The following CHGB variants were observed in gnomAD, a reference collection of about 807,000 sequenced individuals.
The protein encoded by CHGB is chromogranin B, also known as secretogranin-1.
In CHGB, 46 loss-of-function variants were observed where a neutral mutation model predicts 69.9. The observed-to-expected ratio is 0.66, with a 90% CI of 0.52 to 0.84. CHGB has a LOEUF of 0.84. CHGB is among the 40% of genes least tolerant of loss of function. The probability of loss-of-function intolerance (pLI) is 0.00; values close to 1 mark genes in which losing one functional copy is unlikely to be tolerated. For missense variants in CHGB, 796 were observed against 822.2 expected, an observed-to-expected ratio of 0.97 and a Z score of 0.39; for synonymous variants, 312 against 298.2, an observed-to-expected ratio of 1.05 and a Z score of -0.48.
rs766601331 is a variant in CHGB, at chr20:5,923,991, A to G, written c.1847A>G (p.Lys616Arg). Reference protein sequence around the residue: ...QLDQLLHYRKKSAEFPDFYDS... With the variant: ...QLDQLLHYRKRSAEFPDFYDS... ...GACCAGCTCCTTCACTACAGGAAGA[A>G]GTCAGCTGAGTTTCCAGACTTCTAT... Residue 616 changes from lysine to arginine, a missense_variant, in exon 4 of 5, where the codon AAG (lysine) becomes AGG (arginine). This residue lies in a region of CHGB where 274 missense variants were observed against 298.9 expected (regional missense o/e 0.92). Transcript: ENST00000378961. The G allele has an allele frequency of 1.8e-5, 29 of 1,613,994 alleles. No homozygotes were observed. Among genetic ancestry groups the G allele is most frequent in the Admixed American group, 6.7e-5 (4 of 60,004 alleles).
chr20:5,919,070 G>A (rs1248492982), intron 3 of CHGB, among the ~76,000 whole-genome samples: 2 of 152,098 alleles, frequency 1.3e-5, no homozygotes, highest in Non-Finnish European at 2.9e-5. Flanking sequence ...TGCTCCTTTT[G>A]GCAAACCCAT....
chr20:5,923,690 A>G lies in CHGB; in HGVS notation c.1546A>G (p.Lys516Glu), dbSNP rs949033828. The G allele has an allele frequency of 2.5e-6, 4 of 1,613,986 alleles. No individual in the cohort carries two copies. The African/African-American group carries it at 5.3e-5, about 22-fold the overall frequency. The change falls in exon 4 of 5, where the codon AAG (lysine) becomes GAG (glutamate). Residue 516 changes from lysine (K) to glutamate (E), a missense_variant. Around this residue, in one of 3 missense-constraint regions of CHGB, gnomAD observed 274 missense variants for 298.9 expected, o/e 0.92. Coordinates refer to ENST00000378961, the MANE Select transcript of CHGB (RefSeq NM_001819.3). The part of the protein sequence containing the change: ...YSSHHTAEKR[K>E]RLGELFNPYY... Reference sequence around the variant, plus strand: ...CTCCCATCACACAGCTGAAAAGAGGAAGAGATTAGGGGAACTGTTCAACCC... The same window carrying G: ...CTCCCATCACACAGCTGAAAAGAGGGAGAGATTAGGGGAACTGTTCAACCC...
intron 1 of CHGB, chr20:5,915,503 T>A (rs1023211226): frequency 2.0e-5 from 3 of 152,210 alleles, no homozygotes; most frequent in Admixed American, 6.5e-5. Context: ...TTGATACGGA[T>A]GCATAAACGA....
At chr20:5,916,483 G>A (rs986718270) in intron 2 of CHGB, 111 bp downstream of exon 2, 1 of 955,158 alleles carries the variant, frequency 1.0e-6, no homozygotes, top group Non-Finnish European at 1.6e-6. Context: ...ACAAAGCCAG[G>A]TTTTCATTGC....
chr20:5,924,830 C>G, intron 4 of CHGB, 142 bp from the exon 5 acceptor site: 1 of 551,382 alleles, frequency 1.8e-6, no homozygotes, highest in East Asian at 3.2e-5. Flanking sequence ...GTCAGGGGAC[C>G]ACACTTTGAG....
chr20:5,913,628 CTT>C (rs918275521), intron 1 of CHGB, among the ~76,000 whole-genome samples: 105 of 90,438 alleles, frequency 1.2e-3, no homozygotes, highest in African/African-American at 2.7e-3. Context: ...CTTTTCTTTT[CTT>C]TTTTTTTTTT....
chr20:5,912,945 T>C lies in CHGB; in HGVS notation c.49+1263T>C, dbSNP rs540273058. The stretch of plus-strand genomic sequence containing the variant: ...TCAGAATTTGCTAAAATTCTTGTCA[T>C]TCTCACAAATTGTCAATAAATGTTC... On this transcript the variant is annotated intron_variant, in intron 1 of 4. Coordinates refer to ENST00000378961, the MANE Select transcript of CHGB (RefSeq NM_001819.3). Among the ~76,000 whole-genome samples, 5 of 152,346 alleles carry C rather than the reference T, an allele frequency of 3.3e-5. No homozygotes were observed. In the East Asian group the frequency reaches 7.7e-4, roughly 23 times the overall value.
Position 5,918,669 on chromosome 20 carries a change from G to A in CHGB, c.190+1750G>A, listed in dbSNP as rs552604257. On this transcript the variant is annotated intron_variant, in intron 3 of 4. Coordinates refer to ENST00000378961, the MANE Select transcript of CHGB (RefSeq NM_001819.3). ...CTACTAAAAATACAAAAAATTAGCC[G>A]GGCGTGGTGACACACGCCTGTAGTC... Among the ~76,000 whole-genome samples the A allele has an allele frequency of 9.4e-4, 142 of 151,536 alleles. No individual in the cohort carries two copies. In the East Asian group the frequency reaches 0.02, roughly 21 times the overall value.
chr20:5,924,963 A>G lies in CHGB; in HGVS notation c.1957-9A>G. The G allele has an allele frequency of 6.2e-7, 1 of 1,601,204 alleles. No individual in the cohort carries two copies. The highest frequency in any genetic ancestry group is 8.6e-7 in the Non-Finnish European group (1 of 1,168,826). On this transcript the variant is annotated splice_polypyrimidine_tract_variant and intron_variant, in intron 4 of 4. Coordinates refer to ENST00000378961, the MANE Select transcript of CHGB (RefSeq NM_001819.3). ...GGACCTCATGCCTCCACTTTTCTGT[A>G]TTTTCCAGAAAAAAGAACTCGAAAA...
At chr20:5,921,382 A>G (rs1365685302) in intron 3 of CHGB, among the ~76,000 whole-genome samples, 1 of 152,208 alleles carries the variant, frequency 6.6e-6, no homozygotes, top group African/African-American at 2.4e-5. Context: ...GGCTTCAGGC[A>G]TTTTATCTGA....
intron 3 of CHGB, among the ~76,000 whole-genome samples, chr20:5,921,611 T>C (rs1004478717): frequency 2.6e-5 from 4 of 152,172 alleles, no homozygotes; most frequent in Non-Finnish European, 5.9e-5. Flanking sequence ...TGTGCTGAAG[T>C]CTGTCCCCAA....
Position 5,925,068 on chromosome 20 carries a change from G to T in CHGB, c.*19G>T. 2 of 1,566,676 alleles carry T rather than the reference G, an allele frequency of 1.3e-6. No homozygotes were observed. Among genetic ancestry groups the T allele is most frequent in the Non-Finnish European group, 8.8e-7 (1 of 1,139,600 alleles). ...GGGCTGACTGTCATTGGAGCGGTGG[G>T]CACTGTTAAGAAGCAGCCATCACAT... On this transcript the variant is annotated 3_prime_UTR_variant, in exon 5 of 5. Transcript: ENST00000378961.
intron 3 of CHGB, among the ~76,000 whole-genome samples, chr20:5,921,942 G>A (rs1033174544): frequency 5.3e-5 from 8 of 152,152 alleles, no homozygotes; most frequent in African/African-American, 1.9e-4. Context: ...GGAAAGAATG[G>A]TCTTGGATTA....
intron 1 of CHGB, among the ~76,000 whole-genome samples, chr20:5,912,430 G>A (rs1220965862): frequency 6.6e-6 from 1 of 151,834 alleles, no homozygotes; most frequent in Non-Finnish European, 1.5e-5. Flanking sequence ...TTTGACTTCT[G>A]TACTCCAGGA....
At chr20:5,915,171 G>C (rs754853977) in intron 1 of CHGB, among the ~76,000 whole-genome samples, 1 of 152,068 alleles carries the variant, frequency 6.6e-6, no homozygotes, top group Non-Finnish European at 1.5e-5. Context: ...TGTTCTAATA[G>C]AAAGGGCTTA....
At chr20:5,913,793 C>T (rs2088460457) in intron 1 of CHGB, among the ~76,000 whole-genome samples, 1 of 151,632 alleles carries the variant, frequency 6.6e-6, no homozygotes, top group African/African-American at 2.4e-5. Flanking sequence ...CCACGCCCAG[C>T]TAATTTTTTT....
chr20:5,925,167 T>C lies in CHGB; in HGVS notation c.*118T>C. The C allele has an allele frequency of 1.6e-6, 1 of 608,640 alleles. No individual in the cohort carries two copies. The highest frequency in any genetic ancestry group is 2.9e-6 in the Non-Finnish European group (1 of 348,074). The allele number at this position is 608,640 out of a possible 1,614,324, so 37.7% of individuals were successfully genotyped here. On this transcript the variant is annotated 3_prime_UTR_variant, in exon 5 of 5. Coordinates refer to ENST00000378961, the MANE Select transcript of CHGB (RefSeq NM_001819.3). ...GGCAGAAAGTAGAACTTACTATTCA[T>C]TAAATGTTTGACACAATTGGAATTG...
intron 1 of CHGB, among the ~76,000 whole-genome samples, chr20:5,912,337 AT>A (rs897011834): frequency 3.3e-5 from 5 of 151,504 alleles, no homozygotes; most frequent in Admixed American, 6.6e-5. Flanking sequence ...CAAAGGAATT[AT>A]TTTTTTTTAA....
rs2088478572 is a variant in CHGB, at chr20:5,916,870, G to A, written c.141G>A (p.Lys47=). The change falls in exon 3 of 5, where the codon AAG becomes AAA. Residue 47 remains lysine, a synonymous_variant. Coordinates refer to ENST00000378961, the MANE Select transcript of CHGB (RefSeq NM_001819.3). ...IIEVLSNALS[K]SSAPPITPEC... is the part of the protein sequence containing the mutation. ...AGGTCCTCTCAAATGCCTTGTCGAA[G>A]TCCAGCGCTCCACCCATCACCCCTG... 6.2e-7 allele frequency: 1 copy of A among 1,614,052 alleles called. No individual in the cohort carries two copies. Among genetic ancestry groups the A allele is most frequent in the Non-Finnish European group, 8.5e-7 (1 of 1,180,050 alleles).
Sources: allele counts gnomAD v4.1 joint callset (sites outside exome capture counted in the v4.1 genomes callset), GRCh38; gene constraint gnomAD v4.1.1; regional missense constraint gnomAD v4.1.1; transcripts MANE v1.5; gene names NCBI Gene and HGNC (gene_info 2026-07-23, HGNC 2026-07-21).